TTC7A: variants seen among roughly 807,000 people sequenced by gnomAD.
TTC7A encodes the protein tetratricopeptide repeat protein 7A.
Under a neutral mutation model 103.7 loss-of-function variants are expected in TTC7A, and 110 were observed. The observed-to-expected ratio is 1.06, with a 90% CI of 0.91 to 1.24. The LOEUF is 1.24. Ranked by LOEUF, TTC7A falls within the 50% of genes most tolerant of loss-of-function variation. TTC7A has a pLI of 0.00. For missense variants in TTC7A, 1,340 were observed against 1,116.3 expected (o/e 1.20, Z -2.86); for synonymous variants, 521 against 467.9 (o/e 1.11, Z -1.47).
At chr2:46,996,445 G>A (rs991151353) in intron 8 of TTC7A, among the ~76,000 whole-genome samples, 1 of 152,226 alleles carries the variant, frequency 6.6e-6, no homozygotes, top group Non-Finnish European at 1.5e-5. Flanking sequence ...ATGTTCCCTT[G>A]GATGCCTGGG....
At chr2:47,013,422 C>T (rs994837207) in intron 11 of TTC7A, among the ~76,000 whole-genome samples, 6 of 152,074 alleles carry the variant, frequency 3.9e-5, no homozygotes, top group Admixed American at 6.5e-5. Flanking sequence ...GTGGGCTCCC[C>T]GACCCCAACT....
In TTC7A at chr2:46,962,921, T is replaced by C. The variant is rs549455746; in HGVS notation, c.517+5914T>C. The stretch of plus-strand genomic sequence containing the variant: ...TCTACAGCTCCTTAAAACTCTGTAG[T>C]AATAAGCCTTTGGGCAATTGCCATT... On this transcript the variant is annotated intron_variant, in intron 3 of 19. Transcript: ENST00000319190. 7.0e-4 allele frequency among the ~76,000 whole-genome samples: 106 copies of C among 152,364 alleles called. 1 individual carries two copies. The South Asian group carries it at 0.022, about 31-fold the overall frequency.
chr2:47,021,610 GAC>G (rs1558587824), intron 11 of TTC7A, among the ~76,000 whole-genome samples: 1 of 152,356 alleles, frequency 6.6e-6, no homozygotes, highest in East Asian at 1.9e-4. Context: ...GACAGGCACA[GAC>G]ACAGGCCCCT....
Position 46,926,716 on chromosome 2 carries a change from A to G in TTC7A, c.82+9439A>G, listed in dbSNP as rs114056277. 4.2e-3 allele frequency among the ~76,000 whole-genome samples: 644 copies of G among 152,334 alleles called. 3 individuals are homozygous for G. Among genetic ancestry groups the G allele is most frequent in the African/African-American group, 0.015 (617 of 41,584 alleles). On this transcript the variant is annotated intron_variant, in intron 2 of 20. Coordinates refer to the TTC7A transcript ENST00000409245. ...TTTCTACAATAATTTTTCAAATGCA[A>G]TGTCCTACACAATTAAAGACAACTA... is the stretch of plus-strand genomic sequence containing the variant.
intron 19 of TTC7A, 81 bp downstream of exon 19, chr2:47,061,052 C>T: frequency 7.2e-7 from 1 of 1,389,952 alleles, no homozygotes; most frequent in Non-Finnish European, 9.7e-7. Context: ...TCCTTGTCCC[C>T]ATACTCCACT....
chr2:46,954,426 C>T (rs1426449308), intron 2 of TTC7A, among the ~76,000 whole-genome samples: 1 of 152,128 alleles, frequency 6.6e-6, no homozygotes, highest in East Asian at 1.9e-4. Flanking sequence ...GTGCAGTGGA[C>T]TCTTAATGTT....
At chr2:46,981,873 G>A (rs1674501098) in intron 5 of TTC7A, among the ~76,000 whole-genome samples, 1 of 152,222 alleles carries the variant, frequency 6.6e-6, no homozygotes, top group African/African-American at 2.4e-5. Context: ...CCAGAATGTG[G>A]AACAGGCTGT....
chr2:46,954,509 C>G (rs1302412863), intron 2 of TTC7A, among the ~76,000 whole-genome samples: 2 of 149,206 alleles, frequency 1.3e-5, no homozygotes, highest in Non-Finnish European at 3.0e-5. Context: ...TGTGCTATAA[C>G]AGAAAAACAG....
At chr2:46,984,223 C>T (rs1674773064) in intron 5 of TTC7A, among the ~76,000 whole-genome samples, 1 of 152,248 alleles carries the variant, frequency 6.6e-6, no homozygotes, top group Non-Finnish European at 1.5e-5. Flanking sequence ...TGATAGGCTA[C>T]ACTGCCCACA....
At chr2:46,933,884 C>A (rs1362726208) in intron 2 of TTC7A, among the ~76,000 whole-genome samples, 2 of 152,120 alleles carry the variant, frequency 1.3e-5, no homozygotes, top group African/African-American at 2.4e-5. Context: ...GCTGGGAACA[C>A]AGGGCTCTAA....
At chr2:47,037,033 A>G (rs1681188215) in intron 15 of TTC7A, among the ~76,000 whole-genome samples, 1 of 152,150 alleles carries the variant, frequency 6.6e-6, no homozygotes, top group East Asian at 1.9e-4. Flanking sequence ...CCTACTGTGC[A>G]GGTAGGGTAT....
chr2:47,067,843 T>G (rs1169929659), intron 19 of TTC7A: 1 of 152,092 alleles, frequency 6.6e-6, no homozygotes, highest in African/African-American at 2.4e-5. Flanking sequence ...CGGGCCATGT[T>G]CAGATGCTCT....
At chr2:46,984,931 A>G (rs1319116274) in intron 5 of TTC7A, among the ~76,000 whole-genome samples, 3 of 152,176 alleles carry the variant, frequency 2.0e-5, no homozygotes, top group Non-Finnish European at 4.4e-5. Flanking sequence ...AGCGGGGAGC[A>G]TAGAGCTGAT....
At chr2:46,923,818 T>G (rs886456257) in intron 2 of TTC7A, among the ~76,000 whole-genome samples, 4 of 152,004 alleles carry the variant, frequency 2.6e-5, no homozygotes, top group Non-Finnish European at 5.9e-5. Context: ...CTGCAACCTC[T>G]GCCTCCCAGG....
Position 47,046,396 on chromosome 2 carries a change from G to T in TTC7A, c.1884G>T (p.Arg628Ser), listed in dbSNP as rs778430864. 2.2e-5 allele frequency: 36 copies of T among 1,614,098 alleles called. 1 individual carries two copies. In the South Asian group the frequency reaches 3.8e-4, roughly 17 times the overall value. ...EALVTCRQVLRLWQTLYSFSQ... is the reference protein window; with the variant it reads ...EALVTCRQVLSLWQTLYSFSQ... ...TCGTGACCTGCAGACAAGTGCTGAG[G>T]CTGTGGCAGACCCTGTACAGCTTCT... The change falls in exon 16 of 20, where the codon AGG becomes AGT. Residue 628 changes from arginine to serine, a missense_variant. Coordinates refer to ENST00000319190, the MANE Select transcript of TTC7A (RefSeq NM_020458.4).
At chr2:46,983,705 G>C (rs1166079495) in intron 5 of TTC7A, among the ~76,000 whole-genome samples, 1 of 152,238 alleles carries the variant, frequency 6.6e-6, no homozygotes, top group Non-Finnish European at 1.5e-5. Context: ...ACACAGCCAT[G>C]CCCCTTCATT....
At chr2:47,031,622 CTG>C (rs780414181) in intron 15 of TTC7A, among the ~76,000 whole-genome samples, 13 of 152,258 alleles carry the variant, frequency 8.5e-5, no homozygotes, top group Non-Finnish European at 1.6e-4. Context: ...TCCTTGGAAA[CTG>C]AGACTGTGAT....
intron 8 of TTC7A, among the ~76,000 whole-genome samples, chr2:46,998,389 T>G (rs1309601308): frequency 6.6e-6 from 1 of 152,178 alleles, no homozygotes; most frequent in African/African-American, 2.4e-5. Flanking sequence ...TTTTAAATTC[T>G]CCTTCCCTCC....
chr2:46,922,791 C>T (rs1669174754), intron 2 of TTC7A, among the ~76,000 whole-genome samples: 1 of 152,112 alleles, frequency 6.6e-6, no homozygotes, highest in Non-Finnish European at 1.5e-5. Context: ...CAGCAGACAC[C>T]AGCTGGGAGG....
Sources: allele counts gnomAD v4.1 joint callset (sites outside exome capture counted in the v4.1 genomes callset), GRCh38; gene constraint gnomAD v4.1.1; transcripts MANE v1.5; gene names NCBI Gene and HGNC (gene_info 2026-07-23, HGNC 2026-07-21).